The following CNTNAP4 variants were observed in gnomAD, a reference collection of about 807,000 sequenced individuals.
CNTNAP4 encodes the protein contactin associated protein family member 4.
Under a neutral mutation model 148.4 loss-of-function variants are expected in CNTNAP4, and 98 were observed. The observed-to-expected ratio is 0.66, with a 90% CI of 0.56 to 0.78. CNTNAP4 has a LOEUF of 0.78. Ranked by LOEUF, CNTNAP4 falls within the 30% of genes least tolerant of loss-of-function variation. The pLI is 0.00. For synonymous variants in CNTNAP4, 730 were observed against 565.1 expected, an observed-to-expected ratio of 1.29 and a Z score of -4.14; for missense variants, 1,935 against 1,565.6, an observed-to-expected ratio of 1.24 and a Z score of -3.98.
At chr16:76,312,020 G>GA (rs750262347) in intron 1 of CNTNAP4, among the ~76,000 whole-genome samples, 40 of 152,184 alleles carry the variant, frequency 2.6e-4, no homozygotes, top group Admixed American at 1.1e-3. Context: ...ATTTGCATCT[G>GA]AAAATTAGCT....
At chr16:76,310,362 A>T (rs1333406199) in intron 1 of CNTNAP4, among the ~76,000 whole-genome samples, 2 of 152,204 alleles carry the variant, frequency 1.3e-5, no homozygotes, top group Non-Finnish European at 2.9e-5. Context: ...ATATGCAAAC[A>T]TAATTCCATA....
rs181446215 is a variant in CNTNAP4 at position 76,519,442 on chromosome 16, T to C, written c.2366-1698T>C. On this transcript the variant is annotated intron_variant, in intron 15 of 23. Transcript: ENST00000611870. ...ATAAATGTTATGTCATAATATTACC[T>C]AATTTAAACCTTTAAGTAATTATGA... Among the ~76,000 whole-genome samples the C allele has an allele frequency of 5.3e-5, 8 of 152,318 alleles. No homozygotes were observed. In the East Asian group the frequency reaches 9.6e-4, roughly 18 times the overall value.
intron 14 of CNTNAP4, among the ~76,000 whole-genome samples, chr16:76,495,601 AAGC>A (rs2082376430): frequency 7.4e-6 from 1 of 135,620 alleles, no homozygotes; most frequent in African/African-American, 2.6e-5. Context: ...ATATTCCTCT[AAGC>A]AGAGAAGAAT....
chr16:76,295,366 T>A (rs529939377), intron 1 of CNTNAP4, among the ~76,000 whole-genome samples: 1 of 152,234 alleles, frequency 6.6e-6, no homozygotes, highest in Non-Finnish European at 1.5e-5. Flanking sequence ...ACTAAGGATC[T>A]GATCCAGAAT....
chr16:76,321,335 G>A (rs1386925679), intron 2 of CNTNAP4, among the ~76,000 whole-genome samples: 1 of 152,100 alleles, frequency 6.6e-6, no homozygotes, highest in Non-Finnish European at 1.5e-5. Flanking sequence ...GCCCTAAATT[G>A]TTATGCTTCT....
intron 4 of CNTNAP4, among the ~76,000 whole-genome samples, chr16:76,442,738 A>G (rs900597702): frequency 6.6e-6 from 1 of 152,128 alleles, no homozygotes. Context: ...AACAGCCACA[A>G]ACCATTCATA....
intron 3 of CNTNAP4, 87 bp from the exon 4 acceptor site, chr16:76,427,365 C>A: frequency 9.1e-7 from 1 of 1,103,334 alleles, no homozygotes; most frequent in Non-Finnish European, 1.3e-6. Flanking sequence ...AAATGCAGAT[C>A]ACACATTGCT....
chr16:76,416,434 T>C (rs2078986892), intron 3 of CNTNAP4, among the ~76,000 whole-genome samples: 1 of 151,430 alleles, frequency 6.6e-6, no homozygotes. Context: ...TTTTGCTCTA[T>C]CCTGCGTATT....
chr16:76,479,589 A>G (rs1291213490), intron 12 of CNTNAP4, 51 bp downstream of exon 12: 14 of 1,562,780 alleles, frequency 9.0e-6, no homozygotes, highest in Non-Finnish European at 1.2e-5. Flanking sequence ...CATGTTTTAA[A>G]TAGGCAAAAT....
intron 2 of CNTNAP4, among the ~76,000 whole-genome samples, chr16:76,329,435 T>C (rs1963306660): frequency 1.3e-5 from 2 of 152,248 alleles, no homozygotes; most frequent in Non-Finnish European, 2.9e-5. Flanking sequence ...AGTTTTATAA[T>C]TTAAAATCTG....
intron 3 of CNTNAP4, among the ~76,000 whole-genome samples, chr16:76,365,901 A>G (rs72628214): frequency 0.14 from 21,380 of 152,076 alleles, 2,130 homozygotes; most frequent in East Asian, 0.47. Flanking sequence ...TGTAAAAGAA[A>G]TACAAACGCC....
chr16:76,516,273 C>A (rs1212855345), intron 15 of CNTNAP4, among the ~76,000 whole-genome samples: 1 of 152,204 alleles, frequency 6.6e-6, no homozygotes, highest in Non-Finnish European at 1.5e-5. Flanking sequence ...GACATTAACT[C>A]ATTCTTTTTC....
At chr16:76,411,800 G>GT (rs2078804971) in intron 3 of CNTNAP4, among the ~76,000 whole-genome samples, 1 of 151,268 alleles carries the variant, frequency 6.6e-6, no homozygotes, top group Non-Finnish European at 1.5e-5. Context: ...TTATTTTCAT[G>GT]TAACTTTTTA....
At chr16:76,546,049 A>G (rs905189462) in intron 21 of CNTNAP4, among the ~76,000 whole-genome samples, 4 of 152,090 alleles carry the variant, frequency 2.6e-5, no homozygotes, top group Non-Finnish European at 5.9e-5. Context: ...AAAAAAGAAA[A>G]ACTAAAAAGT....
chr16:76,357,155 C>T (rs1484620021), intron 3 of CNTNAP4, among the ~76,000 whole-genome samples: 1 of 151,744 alleles, frequency 6.6e-6, no homozygotes, highest in Non-Finnish European at 1.5e-5. Flanking sequence ...ATAAAATAAA[C>T]AGTAATTATG....
intron 3 of CNTNAP4, among the ~76,000 whole-genome samples, chr16:76,373,820 G>A (rs187883044): frequency 2.6e-5 from 4 of 151,406 alleles, no homozygotes; most frequent in East Asian, 3.9e-4. Flanking sequence ...ACTTGAACTC[G>A]GGAGGTGGAG....
chr16:76,553,618 G>C, intron 22 of CNTNAP4, 117 bp downstream of exon 22: 1 of 786,034 alleles, frequency 1.3e-6, no homozygotes, highest in Non-Finnish European at 2.0e-6. Context: ...AGTTGGTTTT[G>C]TTTGTTTAGC....
intron 15 of CNTNAP4, among the ~76,000 whole-genome samples, chr16:76,513,673 C>G (rs1230346483): frequency 6.6e-6 from 1 of 152,020 alleles, no homozygotes; most frequent in Non-Finnish European, 1.5e-5. Flanking sequence ...TATAGATGTG[C>G]CTACTTAAAA....
chr16:76,339,915 A>G (rs941143867), intron 2 of CNTNAP4, among the ~76,000 whole-genome samples: 1 of 152,240 alleles, frequency 6.6e-6, no homozygotes, highest in East Asian at 1.9e-4. Flanking sequence ...CTTATATAAC[A>G]AGCTAAATCA....
Sources: allele counts gnomAD v4.1 joint callset (sites outside exome capture counted in the v4.1 genomes callset), GRCh38; gene constraint gnomAD v4.1.1; transcripts MANE v1.5; gene names NCBI Gene and HGNC (gene_info 2026-07-23, HGNC 2026-07-21).